The following CELF6 variants were observed in gnomAD, a reference collection of about 807,000 sequenced individuals.
The protein encoded by CELF6 is CUGBP Elav-like family member 6.
CELF6 carries 32 observed loss-of-function variants against 53.1 expected under a neutral mutation model. The observed-to-expected ratio is 0.60, with a 90% CI of 0.46 to 0.81. The LOEUF is 0.81. Among genes scored for constraint, CELF6 ranks in the 30% least tolerant of loss-of-function variants. The pLI is 0.00. For synonymous variants in CELF6, 291 were observed against 288.8 expected (o/e 1.01, Z -0.08); for missense variants, 539 against 669.5 (o/e 0.81, Z 2.15).
Position 72,288,417 on chromosome 15 carries a change from C to G in CELF6, c.1209G>C (p.Leu403=). ...PEGCNLFIYH[L]PQEFGDAELI... ...GTTCCGCATCACCAAACTCCTGAGGCAGGTGATAGATGAAGAGGTTACAGC... is the reference window on the plus strand; with the variant it reads ...GTTCCGCATCACCAAACTCCTGAGGGAGGTGATAGATGAAGAGGTTACAGC... Residue 403 remains leucine, a synonymous_variant, in exon 11 of 13, where the codon CTG becomes CTC. Coordinates refer to ENST00000287202, the MANE Select transcript of CELF6 (RefSeq NM_052840.5). This position sits in a 1 kb window ranked among gnomAD's most constrained non-coding sequence, Gnocchi z 4.6. 6.2e-7 allele frequency: 1 copy of G among 1,614,128 alleles called. No individual in the cohort carries two copies. The highest frequency in any genetic ancestry group is 8.5e-7 in the Non-Finnish European group (1 of 1,179,988).
Position 72,287,222 on chromosome 15 carries a change from C to A in CELF6, c.*28+15G>T. Reference sequence around the variant, plus strand: ...CACTCAGGCCTCATCTACCTGGGGTCCATCAGGGACTCACCTTTCTGTGGC... The same window carrying A: ...CACTCAGGCCTCATCTACCTGGGGTACATCAGGGACTCACCTTTCTGTGGC... On this transcript the variant is annotated intron_variant, in intron 12 of 12. Coordinates refer to ENST00000287202, the MANE Select transcript of CELF6 (RefSeq NM_052840.5). 1 of 1,605,098 alleles carries A rather than the reference C, an allele frequency of 6.2e-7. No individual in the cohort carries two copies. The highest frequency in any genetic ancestry group is 8.5e-7 in the Non-Finnish European group (1 of 1,175,572).
intron 3 of CELF6, among the ~76,000 whole-genome samples, chr15:72,294,742 C>G (rs2141189490): frequency 1.3e-5 from 2 of 152,208 alleles, no homozygotes; most frequent in East Asian, 3.9e-4. Context: ...CTTTGGGAGG[C>G]CAACGTGGGT....
chr15:72,308,765 G>A (rs1461253794), intron 2 of CELF6, among the ~76,000 whole-genome samples: 2 of 151,910 alleles, frequency 1.3e-5, no homozygotes, highest in Non-Finnish European at 2.9e-5. Flanking sequence ...GAGTGCAGTG[G>A]CGCGATCTCA....
At chr15:72,297,859 G>A (rs957908845) in intron 3 of CELF6, among the ~76,000 whole-genome samples, 1 of 152,226 alleles carries the variant, frequency 6.6e-6, no homozygotes, top group Non-Finnish European at 1.5e-5. Context: ...ACCCCTAAAA[G>A]TGTTATGACA....
intron 3 of CELF6, among the ~76,000 whole-genome samples, chr15:72,297,183 C>T (rs1178667734): frequency 6.6e-6 from 1 of 152,114 alleles, no homozygotes; most frequent in African/African-American, 2.4e-5. Flanking sequence ...GTGCATATTG[C>T]ATTATTATTA....
chr15:72,314,885 G>A (rs532301021), intron 2 of CELF6, among the ~76,000 whole-genome samples: 46 of 152,234 alleles, frequency 3.0e-4, no homozygotes, highest in African/African-American at 9.6e-4. Context: ...GTGAGCCACC[G>A]CACTCGGCCT....
At chr15:72,318,380 T>TTG (rs945369127) in intron 1 of CELF6, among the ~76,000 whole-genome samples, 1 of 152,214 alleles carries the variant, frequency 6.6e-6, no homozygotes, top group Non-Finnish European at 1.5e-5. Context: ...GGAATGTACC[T>TTG]TTAGCTGTTA....
chr15:72,304,549 G>T (rs2088200466), intron 3 of CELF6, among the ~76,000 whole-genome samples, 197 bp downstream of exon 3: 1 of 152,074 alleles, frequency 6.6e-6, no homozygotes, highest in African/African-American at 2.4e-5. Context: ...TTCTGGGCCT[G>T]GGCTCCCCAG....
chr15:72,306,343 C>A, intron 2 of CELF6: 1 of 968,166 alleles, frequency 1.0e-6, no homozygotes, highest in Non-Finnish European at 1.2e-6. Flanking sequence ...AGGTGATGAT[C>A]TGACCCCCTC....
In CELF6 at chr15:72,319,467, T is replaced by A; in HGVS notation, c.262+146A>T. 2 of 853,906 alleles carry A rather than the reference T, an allele frequency of 2.3e-6. No individual in the cohort carries two copies. The highest frequency in any genetic ancestry group is 3.5e-6 in the Non-Finnish European group (2 of 577,452). The allele number at this position is 853,906 out of a possible 1,614,324, so 52.9% of individuals were successfully genotyped here. On this transcript the variant is annotated intron_variant, in intron 1 of 12. Coordinates refer to ENST00000287202, the MANE Select transcript of CELF6 (RefSeq NM_052840.5). This position sits in a 1 kb window ranked among gnomAD's most constrained non-coding sequence, Gnocchi z 5.0. ...GGATGTCAGAGAGAAAATTCTGTGA[T>A]CTGGGAAGGGGGCTGGGCTGAGGTG...
chr15:72,317,094 G>C (rs1341652169), intron 1 of CELF6, among the ~76,000 whole-genome samples: 2 of 152,204 alleles, frequency 1.3e-5, no homozygotes, highest in African/African-American at 4.8e-5. Flanking sequence ...CTGGAGGCTG[G>C]TGTATGGGGG....
In CELF6 at chr15:72,289,677, A is replaced by G; in HGVS notation, c.697T>C (p.Phe233Leu). Residue 233 changes from phenylalanine to leucine, a missense_variant, in exon 6 of 13, where the codon TTC becomes CTC. Phe to Leu is a conservative substitution (Grantham distance 22). This residue lies in a region of CELF6 where 358 missense variants were observed against 412.8 expected (regional missense o/e 0.87). Coordinates refer to ENST00000287202, the MANE Select transcript of CELF6 (RefSeq NM_052840.5). The surrounding 1 kb of genome is among the most constrained non-coding windows in gnomAD (Gnocchi z 7.6). ...MQQMAGHLGA[F>L]HPAPLPLGAC... Reference sequence around the variant, plus strand: ...CCTAGCGGCAGTGGCGCGGGGTGGAAGGCGCCCAGGTGGCCGGCCATCTGC... The same window carrying G: ...CCTAGCGGCAGTGGCGCGGGGTGGAGGGCGCCCAGGTGGCCGGCCATCTGC... The G allele has an allele frequency of 1.3e-6, 2 of 1,495,232 alleles. No individual in the cohort carries two copies. Among genetic ancestry groups the G allele is most frequent in the Non-Finnish European group, 1.8e-6 (2 of 1,131,624 alleles). The allele number at this position is 1,495,232 out of a possible 1,614,324, so 92.6% of individuals were successfully genotyped here.
At chr15:72,294,964 T>G (rs1419711846) in intron 3 of CELF6, among the ~76,000 whole-genome samples, 4 of 93,926 alleles carry the variant, frequency 4.3e-5, no homozygotes, top group East Asian at 2.9e-4. Flanking sequence ...GGAGACAGAG[T>G]GAGACTGTGT....
chr15:72,305,952 A>T (rs1346070347), intron 2 of CELF6, among the ~76,000 whole-genome samples: 1 of 147,386 alleles, frequency 6.8e-6, no homozygotes, highest in African/African-American at 2.5e-5. Context: ...CCCCGCTCCC[A>T]CCAACTTCAT....
chr15:72,292,899 T>C (rs576820917), intron 3 of CELF6, among the ~76,000 whole-genome samples: 6 of 152,308 alleles, frequency 3.9e-5, no homozygotes, highest in African/African-American at 1.4e-4. Context: ...TGGTGGCACA[T>C]GCCTATAATC....
In CELF6 at chr15:72,288,258, T is replaced by A. The variant is rs1251711203; in HGVS notation, c.1318+50A>T. On this transcript the variant is annotated intron_variant, in intron 11 of 12. Coordinates refer to ENST00000287202, the MANE Select transcript of CELF6 (RefSeq NM_052840.5). The surrounding 1 kb of genome is among the most constrained non-coding windows in gnomAD (Gnocchi z 4.6). ...GGGCAATCGTAGGGTCTGTAGGAAA[T>A]CCTTTATAGTCAGAGGTGGGAGAGG... 6.3e-7 allele frequency: 1 copy of A among 1,593,634 alleles called. No homozygotes were observed. Among genetic ancestry groups the A allele is most frequent in the Admixed American group, 1.7e-5 (1 of 59,938 alleles).
At chr15:72,306,121 T>G (rs888778117) in intron 2 of CELF6, 64 of 984,180 alleles carry the variant, frequency 6.5e-5, no homozygotes, top group Non-Finnish European at 2.1e-5. Context: ...AGTGAATTCA[T>G]GATTGAATCC....
chr15:72,290,554 C>T (rs1035991852), intron 3 of CELF6, among the ~76,000 whole-genome samples: 1 of 152,068 alleles, frequency 6.6e-6, no homozygotes, highest in Non-Finnish European at 1.5e-5. Context: ...TGGGTAGAGC[C>T]CTATATGCAT....
chr15:72,289,689 G>A lies in CELF6; in HGVS notation c.685C>T (p.His229Tyr). ...GGCGCGGGGTGGAAGGCGCCCAGGTGGCCGGCCATCTGCTGCATCCGCCGC... is the reference window on the plus strand; with the variant it reads ...GGCGCGGGGTGGAAGGCGCCCAGGTAGCCGGCCATCTGCTGCATCCGCCGC... ...ALRRMQQMAG[H>Y]LGAFHPAPLP... The change falls in exon 6 of 13, where the codon CAC becomes TAC. Residue 229 changes from histidine to tyrosine, a missense_variant. Around this residue, in one of 3 missense-constraint regions of CELF6, gnomAD observed 358 missense variants for 412.8 expected, o/e 0.87. Coordinates refer to ENST00000287202, the MANE Select transcript of CELF6 (RefSeq NM_052840.5). This position sits in a 1 kb window ranked among gnomAD's most constrained non-coding sequence, Gnocchi z 7.6. 7 of 1,489,228 alleles carry A rather than the reference G, an allele frequency of 4.7e-6. No individual in the cohort carries two copies. The highest frequency in any genetic ancestry group is 6.2e-6 in the Non-Finnish European group (7 of 1,129,516). The allele number at this position is 1,489,228 out of a possible 1,614,324, so 92.3% of individuals were successfully genotyped here. A position where few individuals can be genotyped will look rare whatever the true frequency, so the allele number is the denominator to read the frequency against.
Sources: gnomAD v4.1 joint callset for allele counts (sites outside exome capture counted in the v4.1 genomes callset) on GRCh38, gnomAD v4.1.1 for gene constraint, gnomAD v4.1.1 regional missense constraint, Gnocchi (gnomAD v3.1) non-coding constraint, MANE v1.5 for transcripts, NCBI Gene and HGNC (gene_info 2026-07-23, HGNC 2026-07-21) for gene names.